Variants in STXBP5L observed in about 807,000 individuals in gnomAD.
The protein encoded by STXBP5L is syntaxin-binding protein 5-like.
In STXBP5L, 65 loss-of-function variants were observed where a neutral mutation model predicts 144.5. That is an observed-to-expected ratio of 0.45 (90% CI 0.37 to 0.55). The LOEUF (loss-of-function observed/expected upper bound fraction) is 0.55, where lower values mean the gene tolerates loss of function less well. STXBP5L is among the 20% of genes least tolerant of loss of function. The pLI is 0.00. For synonymous variants in STXBP5L, 505 were observed against 469.6 expected (o/e 1.08, Z -0.97); for missense variants, 1,298 against 1,405.5 (o/e 0.92, Z 1.22).
chr3:121,318,573 T>G (rs1364679170), intron 20 of STXBP5L, 33 bp downstream of exon 20: 1 of 1,410,158 alleles, frequency 7.1e-7, no homozygotes. Context: ...AGACTTCTGG[T>G]AATTCACTGC....
chr3:121,006,090 C>T (rs1159735166), intron 3 of STXBP5L, among the ~76,000 whole-genome samples: 2 of 152,116 alleles, frequency 1.3e-5, no homozygotes, highest in Non-Finnish European at 2.9e-5. Context: ...GAGCTGAGTT[C>T]AATTCCTGGG....
intron 9 of STXBP5L, among the ~76,000 whole-genome samples, chr3:121,203,908 G>A (rs983939570): frequency 1.1e-4 from 17 of 152,082 alleles, no homozygotes; most frequent in Non-Finnish European, 2.1e-4. Flanking sequence ...CATTACCAAA[G>A]CCAGTAATCT....
intron 3 of STXBP5L, among the ~76,000 whole-genome samples, chr3:120,995,775 C>A (rs1329697288): frequency 6.6e-6 from 1 of 152,066 alleles, no homozygotes; most frequent in African/African-American, 2.4e-5. Context: ...ATTCAACAAT[C>A]AAATATGACT....
chr3:120,945,807 CTTATA>C (rs1206165047), intron 2 of STXBP5L, among the ~76,000 whole-genome samples: 1 of 151,714 alleles, frequency 6.6e-6, no homozygotes, highest in Non-Finnish European at 1.5e-5. Context: ...TCAAGAGGAT[CTTATA>C]TTAATTATAG....
chr3:121,044,453 A>T (rs951325734), intron 4 of STXBP5L, among the ~76,000 whole-genome samples: 1 of 152,184 alleles, frequency 6.6e-6, no homozygotes, highest in African/African-American at 2.4e-5. Context: ...TAAATGGGAT[A>T]TCTGTGATTG....
intron 22 of STXBP5L, among the ~76,000 whole-genome samples, chr3:121,404,050 C>T (rs1428326774): frequency 6.6e-6 from 1 of 152,156 alleles, no homozygotes. Context: ...GACCTCTCCA[C>T]AAATTCCTAA....
At chr3:121,192,888 G>C (rs1011569724) in intron 9 of STXBP5L, among the ~76,000 whole-genome samples, 11 of 152,020 alleles carry the variant, frequency 7.2e-5, no homozygotes, top group African/African-American at 2.4e-4. Flanking sequence ...AACCTAGGCA[G>C]TATCATTCAG....
intron 10 of STXBP5L, among the ~76,000 whole-genome samples, chr3:121,215,678 T>C (rs1306911635): frequency 6.6e-6 from 1 of 152,200 alleles, no homozygotes; most frequent in East Asian, 1.9e-4. Context: ...CGATTATGTG[T>C]CTTGAGGTTG....
chr3:121,356,497 C>T (rs1476531360), intron 20 of STXBP5L, among the ~76,000 whole-genome samples: 1 of 152,240 alleles, frequency 6.6e-6, no homozygotes. Flanking sequence ...CCTGCTGAAC[C>T]AGGCACAGGA....
At chr3:120,975,253 C>T (rs1354096413) in intron 3 of STXBP5L, among the ~76,000 whole-genome samples, 1 of 152,080 alleles carries the variant, frequency 6.6e-6, no homozygotes, top group African/African-American at 2.4e-5. Flanking sequence ...TGAAGAGGTC[C>T]TTCACGTCCC....
chr3:121,418,973 C>A, intron 26 of STXBP5L, 83 bp from the exon 27 acceptor site: 1 of 1,402,884 alleles, frequency 7.1e-7, no homozygotes, highest in Non-Finnish European at 9.7e-7. Context: ...GATAGATTTG[C>A]ATGATTAGCT....
chr3:121,328,047 T>G (rs2044206930), intron 20 of STXBP5L, among the ~76,000 whole-genome samples: 1 of 152,176 alleles, frequency 6.6e-6, no homozygotes, highest in Non-Finnish European at 1.5e-5. Context: ...TAATTCAAGT[T>G]TGTTAGGACA....
At chr3:121,094,714 G>A (rs2043021471) in intron 5 of STXBP5L, among the ~76,000 whole-genome samples, 1 of 152,168 alleles carries the variant, frequency 6.6e-6, no homozygotes, top group Non-Finnish European at 1.5e-5. Flanking sequence ...GATGGGTCTT[G>A]ACTCCTTATC....
chr3:120,921,767 T>A (rs1337469089), intron 2 of STXBP5L, among the ~76,000 whole-genome samples: 1 of 152,022 alleles, frequency 6.6e-6, no homozygotes, highest in Non-Finnish European at 1.5e-5. Flanking sequence ...CAAAAATTAG[T>A]TGGCTGTAAA....
chr3:121,383,531 T>A (rs923614147), intron 22 of STXBP5L, among the ~76,000 whole-genome samples: 4 of 152,124 alleles, frequency 2.6e-5, no homozygotes. Flanking sequence ...AATCTGAAAC[T>A]GCTGTTAAAA....
intron 5 of STXBP5L, among the ~76,000 whole-genome samples, chr3:121,077,460 G>A (rs1016728303): frequency 6.6e-6 from 1 of 152,164 alleles, no homozygotes; most frequent in Non-Finnish European, 1.5e-5. Flanking sequence ...TAGGAGTGAA[G>A]CTGCAGACCT....
At chr3:121,050,767 C>G (rs1182223256) in intron 5 of STXBP5L, among the ~76,000 whole-genome samples, 2 of 152,094 alleles carry the variant, frequency 1.3e-5, no homozygotes, top group African/African-American at 4.8e-5. Flanking sequence ...ACTAAATGCT[C>G]CAATTAAAAG....
chr3:121,220,138 A>C (rs945725594), intron 10 of STXBP5L, among the ~76,000 whole-genome samples: 3 of 152,028 alleles, frequency 2.0e-5, no homozygotes, highest in African/African-American at 7.2e-5. Flanking sequence ...TCCTCTCCCC[A>C]ACTCCTAACC....
At chr3:121,023,654 G>A (rs1235437216) in intron 3 of STXBP5L, among the ~76,000 whole-genome samples, 1 of 152,190 alleles carries the variant, frequency 6.6e-6, no homozygotes, top group African/African-American at 2.4e-5. Flanking sequence ...AACAAATGGT[G>A]CTGGGATAAT....
Sources: allele counts gnomAD v4.1 joint callset (sites outside exome capture counted in the v4.1 genomes callset), GRCh38; gene constraint gnomAD v4.1.1; transcripts MANE v1.5; gene names NCBI Gene and HGNC (gene_info 2026-07-23, HGNC 2026-07-21).